KDM2A: variants seen among roughly 807,000 people sequenced by gnomAD.
KDM2A encodes lysine demethylase 2A.
Under a neutral mutation model 137.3 loss-of-function variants are expected in KDM2A, and 3 were observed. The ratio of observed to expected loss-of-function variants is 0.02; its 90% CI spans 0.01 to 0.06. The LOEUF (loss-of-function observed/expected upper bound fraction) is 0.06, where lower values mean the gene tolerates loss of function less well. Among genes scored for constraint, KDM2A ranks in the 10% least tolerant of loss-of-function variants. The pLI, the probability that KDM2A is intolerant of heterozygous loss-of-function variation, is 1.00. For synonymous variants in KDM2A, 512 were observed against 541.5 expected, an observed-to-expected ratio of 0.95 and a Z score of 0.76; for missense variants, 738 against 1,510.6, an observed-to-expected ratio of 0.49 and a Z score of 8.48.
chr11:67,171,161 T>A (rs1390150308), intron 2 of KDM2A, among the ~76,000 whole-genome samples: 3 of 152,166 alleles, frequency 2.0e-5, no homozygotes, highest in Non-Finnish European at 4.4e-5. Context: ...CCTGAAAAAA[T>A]AGCCTTTAAC....
intron 2 of KDM2A, among the ~76,000 whole-genome samples, chr11:67,121,893 T>TA (rs1345885569): frequency 6.6e-6 from 1 of 152,214 alleles, no homozygotes; most frequent in Non-Finnish European, 1.5e-5. Context: ...TGGATGCTGA[T>TA]AAAGTTCTGT....
At chr11:67,165,200 C>T (rs1356913182) in intron 2 of KDM2A, among the ~76,000 whole-genome samples, 6 of 152,000 alleles carry the variant, frequency 3.9e-5, no homozygotes, top group Non-Finnish European at 8.8e-5. Context: ...TGGCTCACCG[C>T]ATCCTCCACC....
chr11:67,132,086 G>C (rs1196304501), intron 2 of KDM2A: 1 of 152,222 alleles, frequency 6.6e-6, no homozygotes, highest in African/African-American at 2.4e-5. Context: ...AGGTAGAGAG[G>C]AGGAGGGAAG....
intron 2 of KDM2A, among the ~76,000 whole-genome samples, chr11:67,165,874 A>G (rs1252986182): frequency 6.6e-6 from 1 of 152,144 alleles, no homozygotes; most frequent in Non-Finnish European, 1.5e-5. Flanking sequence ...ATTTACGGTC[A>G]ACTTTTAGGG....
At position 67,231,747 on chromosome 11, in the gene KDM2A, T is replaced by C. The variant is rs1458478999; in HGVS notation, c.1266T>C (p.Ala422=). The change falls in exon 12 of 21, where the codon GCT becomes GCC. Residue 422 remains alanine, a synonymous_variant. Coordinates refer to ENST00000529006, the MANE Select transcript of KDM2A (RefSeq NM_012308.3). ...TTCCAAGTCTGAAGAAAACTTTGGCTGGGGACTCATCTTCTGACTGTAGCC... is the reference window on the plus strand; with the variant it reads ...TTCCAAGTCTGAAGAAAACTTTGGCCGGGGACTCATCTTCTGACTGTAGCC... ...RSLPSLKKTL[A]GDSSSDCSRG... 8.7e-6 allele frequency: 14 copies of C among 1,613,910 alleles called. No individual in the cohort carries two copies. Among genetic ancestry groups the C allele is most frequent in the Admixed American group, 1.7e-5 (1 of 59,998 alleles).
intron 2 of KDM2A, 84 bp downstream of exon 2, chr11:67,121,442 CTG>C: frequency 7.3e-7 from 1 of 1,374,086 alleles, no homozygotes; most frequent in South Asian, 1.2e-5. Context: ...TACTGTGAAT[CTG>C]TGATTAAAAC....
intron 15 of KDM2A, among the ~76,000 whole-genome samples, chr11:67,246,908 T>G (rs910344908): frequency 6.6e-6 from 1 of 151,502 alleles, no homozygotes; most frequent in Non-Finnish European, 1.5e-5. Flanking sequence ...TTGGAGGCAT[T>G]AAGCATATGT....
chr11:67,178,700 A>G (rs1437975233), intron 2 of KDM2A, among the ~76,000 whole-genome samples: 1 of 152,044 alleles, frequency 6.6e-6, no homozygotes, highest in African/African-American at 2.4e-5. Flanking sequence ...GAGTTTATCT[A>G]TGTCATGGCA....
chr11:67,119,813 C>A lies in KDM2A; in HGVS notation c.-320C>A, dbSNP rs1468321103. On this transcript the variant is annotated 5_prime_UTR_variant, in exon 1 of 21. Transcript: ENST00000529006. ...GGGGGAGGCGGGGGCGCCCCGGGCT[C>A]GGCGCCGAGGGGTCGCGCTCCTCTC... The A allele has an allele frequency of 6.6e-6, 1 of 151,340 alleles. No individual in the cohort carries two copies. The highest frequency in any genetic ancestry group is 1.5e-5 in the Non-Finnish European group (1 of 67,712). 9.4% of individuals were successfully genotyped at this position (151,340 alleles called of 1,614,324 possible).
rs574315922 is a variant in KDM2A, at chr11:67,216,967, G to A, written c.688-764G>A. Among the ~76,000 whole-genome samples the A allele has an allele frequency of 6.0e-5, 9 of 150,788 alleles. No individual in the cohort carries two copies. In the South Asian group the frequency reaches 1.3e-3, roughly 21 times the overall value. Reference sequence around the variant, plus strand: ...AACAAAAAAACATGAGGTCTTGTCCGGGCACAGTGGCTCACGCCTGTAATC... The same window carrying A: ...AACAAAAAAACATGAGGTCTTGTCCAGGCACAGTGGCTCACGCCTGTAATC... On this transcript the variant is annotated intron_variant, in intron 8 of 20. Transcript: ENST00000529006.
Position 67,248,307 on chromosome 11 carries a change from A to C in KDM2A, c.1992A>C (p.Glu664Asp). 1 of 1,608,992 alleles carries C rather than the reference A, an allele frequency of 6.2e-7. No homozygotes were observed. Among genetic ancestry groups the C allele is most frequent in the South Asian group, 1.1e-5 (1 of 89,582 alleles). ...TGGACGGAGAGGGGTTGCTTAACGA[A>C]GAATTGCCAAATTGCTGGGAATGTC... The part of the protein sequence containing the change: ...LQMDGEGLLN[E>D]ELPNCWECPK... Residue 664 changes from glutamate (E) to aspartate (D), a missense_variant, in exon 16 of 21, where the codon GAA becomes GAC. Physicochemically the swap from Glu to Asp is conservative, Grantham distance 45. Coordinates refer to ENST00000529006, the MANE Select transcript of KDM2A (RefSeq NM_012308.3).
Position 67,250,882 on chromosome 11 carries a change from C to A in KDM2A, c.2768+84C>A. 9.7e-7 allele frequency: 1 copy of A among 1,036,056 alleles called. No individual in the cohort carries two copies. The highest frequency in any genetic ancestry group is 1.4e-6 in the Non-Finnish European group (1 of 701,740). The allele number at this position is 1,036,056 out of a possible 1,614,324, so 64.2% of individuals were successfully genotyped here. A position where few individuals can be genotyped will look rare whatever the true frequency, so the allele number is the denominator to read the frequency against. On this transcript the variant is annotated intron_variant, in intron 17 of 20. Coordinates refer to ENST00000529006, the MANE Select transcript of KDM2A (RefSeq NM_012308.3). This position sits in a 1 kb window ranked among gnomAD's most constrained non-coding sequence, Gnocchi z 7.1. ...CATATGAGAACAGCATGCACCTTGG[C>A]ATCTGAAAGCCTGTGGGGTCTTATG...
rs1859181917 is a variant in KDM2A at position 67,245,630 on chromosome 11, G to A, written c.1833+172G>A. 1.4e-6 allele frequency: 1 copy of A among 706,884 alleles called. No individual in the cohort carries two copies. Among genetic ancestry groups the A allele is most frequent in the Non-Finnish European group, 2.3e-6 (1 of 434,680 alleles). 43.8% of individuals were successfully genotyped at this position (706,884 alleles called of 1,614,324 possible). A position where few individuals can be genotyped will look rare whatever the true frequency, so the allele number is the denominator to read the frequency against. ...CCCAGGTTTAGATAGAAGGTATCTA[G>A]TACTAAAAATCCGATTTAATCTTTA... On this transcript the variant is annotated intron_variant, in intron 14 of 20. Coordinates refer to ENST00000529006, the MANE Select transcript of KDM2A (RefSeq NM_012308.3). The surrounding 1 kb of genome is among the most constrained non-coding windows in gnomAD (Gnocchi z 4.1).
chr11:67,180,662 T>C (rs1857071293), intron 3 of KDM2A, among the ~76,000 whole-genome samples: 1 of 151,988 alleles, frequency 6.6e-6, no homozygotes, highest in African/African-American at 2.4e-5. Flanking sequence ...TTGTTTACTT[T>C]TTTTTTTGGA....
chr11:67,205,312 G>T (rs1857768261), intron 5 of KDM2A, among the ~76,000 whole-genome samples: 1 of 151,996 alleles, frequency 6.6e-6, no homozygotes, highest in African/African-American at 2.4e-5. Context: ...TGTTTTACTA[G>T]TAATATATAT....
intron 2 of KDM2A, among the ~76,000 whole-genome samples, chr11:67,141,289 C>T (rs564212571): frequency 1.3e-5 from 2 of 152,174 alleles, no homozygotes; most frequent in African/African-American, 4.8e-5. Flanking sequence ...ATGACCAAGT[C>T]AGAGTATTTG....
intron 10 of KDM2A, among the ~76,000 whole-genome samples, chr11:67,225,935 C>T (rs561483983): frequency 6.6e-6 from 1 of 152,164 alleles, no homozygotes; most frequent in African/African-American, 2.4e-5. Flanking sequence ...CATGGTGGTG[C>T]ACACCTGTAA....
In KDM2A at chr11:67,250,896, T is replaced by C; in HGVS notation, c.2768+98T>C. ...ATGCACCTTGGCATCTGAAAGCCTG[T>C]GGGGTCTTATGAGGAGTGAATTGAC... On this transcript the variant is annotated intron_variant, in intron 17 of 20. Coordinates refer to ENST00000529006, the MANE Select transcript of KDM2A (RefSeq NM_012308.3). The surrounding 1 kb of genome is among the most constrained non-coding windows in gnomAD (Gnocchi z 7.1). The C allele has an allele frequency of 1.1e-6, 1 of 919,008 alleles. No individual in the cohort carries two copies. The highest frequency in any genetic ancestry group is 2.4e-5 in the East Asian group (1 of 40,848). The allele number at this position is 919,008 out of a possible 1,614,324, so 56.9% of individuals were successfully genotyped here. A position where few individuals can be genotyped will look rare whatever the true frequency, so the allele number is the denominator to read the frequency against.
intron 10 of KDM2A, among the ~76,000 whole-genome samples, chr11:67,222,899 GA>G (rs540872235): frequency 0.05 from 6,947 of 139,948 alleles, 204 homozygotes; most frequent in Middle Eastern, 0.11. Flanking sequence ...AAATAAGGGG[GA>G]AAAAAAAAAA....
Sources: gnomAD v4.1 joint callset for allele counts (sites outside exome capture counted in the v4.1 genomes callset) on GRCh38, gnomAD v4.1.1 for gene constraint, Gnocchi (gnomAD v3.1) non-coding constraint, MANE v1.5 for transcripts, NCBI Gene and HGNC (gene_info 2026-07-23, HGNC 2026-07-21) for gene names.